The following PDE10A variants were observed in gnomAD, a reference collection of about 807,000 sequenced individuals.
PDE10A encodes the protein phosphodiesterase 10A, also known as cAMP and cAMP-inhibited cGMP 3',5'-cyclic phosphodiesterase 10A.
PDE10A carries 39 observed loss-of-function variants against 97.7 expected under a neutral mutation model. That is an observed-to-expected ratio of 0.40 (90% CI 0.31 to 0.52). PDE10A has a LOEUF of 0.52. Among genes scored for constraint, PDE10A ranks in the 20% least tolerant of loss-of-function variants. The probability of loss-of-function intolerance (pLI) is 0.56; values close to 1 mark genes in which losing one functional copy is unlikely to be tolerated. For missense variants in PDE10A, 731 were observed against 1,047.8 expected, an observed-to-expected ratio of 0.70 and a Z score of 4.17; for synonymous variants, 371 against 376.8, an observed-to-expected ratio of 0.98 and a Z score of 0.18.
chr6:165,343,513 A>G lies in PDE10A; in HGVS notation c.2784-11T>C. The G allele has an allele frequency of 6.4e-7, 1 of 1,552,040 alleles. No homozygotes were observed. The highest frequency in any genetic ancestry group is 8.9e-7 in the Non-Finnish European group (1 of 1,123,490). Reference sequence around the variant, plus strand: ...CCAATTACACGGTCTCTAGAACACAACAATATAAGACTGGTCAGCATAGCA... The same window carrying G: ...CCAATTACACGGTCTCTAGAACACAGCAATATAAGACTGGTCAGCATAGCA... On this transcript the variant is annotated splice_polypyrimidine_tract_variant and intron_variant, in intron 18 of 21. Coordinates refer to ENST00000539869, the MANE Select transcript of PDE10A (RefSeq NM_001385079.1).
chr6:165,963,520 T>G (rs1235476275), intron 1 of PDE10A, among the ~76,000 whole-genome samples: 2 of 152,216 alleles, frequency 1.3e-5, no homozygotes, highest in Non-Finnish European at 2.9e-5. Flanking sequence ...GGATCATAAT[T>G]TCCTCATCTA....
At chr6:165,636,116 A>G (rs1402158459) in intron 1 of PDE10A, among the ~76,000 whole-genome samples, 1 of 152,246 alleles carries the variant, frequency 6.6e-6, no homozygotes. Flanking sequence ...ATTTACATTT[A>G]CATGGTTCCC....
At chr6:165,566,614 G>A (rs1364022470) in intron 1 of PDE10A, among the ~76,000 whole-genome samples, 5 of 152,132 alleles carry the variant, frequency 3.3e-5, no homozygotes, top group Admixed American at 2.0e-4. Flanking sequence ...TGATACCAAG[G>A]AGAAGATTCT....
chr6:165,548,029 T>C (rs1036007410), intron 1 of PDE10A, among the ~76,000 whole-genome samples: 1 of 152,106 alleles, frequency 6.6e-6, no homozygotes, highest in Admixed American at 6.6e-5. Context: ...CACCAAAAAA[T>C]ATAATGGCCC....
chr6:165,841,956 G>T (rs998593868), intron 1 of PDE10A, among the ~76,000 whole-genome samples: 10 of 152,088 alleles, frequency 6.6e-5, no homozygotes, highest in Non-Finnish European at 1.3e-4. Context: ...TAATATTGCT[G>T]TTTCCCAACA....
At chr6:165,439,956 T>C (rs990571759) in intron 5 of PDE10A, among the ~76,000 whole-genome samples, 2 of 152,234 alleles carry the variant, frequency 1.3e-5, no homozygotes, top group Non-Finnish European at 2.9e-5. Context: ...TTCATCTTTC[T>C]TTCCATGCAC....
At chr6:165,893,241 GACTGTATAGTC>G (rs1449678366) in intron 1 of PDE10A, among the ~76,000 whole-genome samples, 20 of 152,198 alleles carry the variant, frequency 1.3e-4, no homozygotes, top group African/African-American at 4.6e-4. Context: ...CAATTTTAAT[GACTGTATAGTC>G]ACTCTTCAGA....
At chr6:165,795,311 AG>A (rs1279650292) in intron 1 of PDE10A, among the ~76,000 whole-genome samples, 5 of 152,174 alleles carry the variant, frequency 3.3e-5, no homozygotes, top group African/African-American at 1.2e-4. Context: ...GCTGTCTGCA[AG>A]GGTTTTCCTT....
intron 13 of PDE10A, among the ~76,000 whole-genome samples, chr6:165,408,523 T>G (rs1787404487): frequency 6.6e-6 from 1 of 152,152 alleles, no homozygotes; most frequent in South Asian, 2.1e-4. Flanking sequence ...CCTTTTCAAG[T>G]GGGTAAGGTT....
chr6:165,575,218 G>T (rs907287757), intron 1 of PDE10A, among the ~76,000 whole-genome samples: 1 of 152,228 alleles, frequency 6.6e-6, no homozygotes, highest in Non-Finnish European at 1.5e-5. Flanking sequence ...CCAATCATTC[G>T]AGTTTTGTGA....
At chr6:165,873,529 A>G (rs2323031) in intron 1 of PDE10A, among the ~76,000 whole-genome samples, 122,694 of 152,192 alleles carry the variant, frequency 0.81, 49,854 homozygotes, top group East Asian at 0.96. Context: ...CTTTCTCCGC[A>G]AGAGAGCAAC....
intron 1 of PDE10A, among the ~76,000 whole-genome samples, chr6:165,920,227 C>T (rs949109944): frequency 6.6e-6 from 1 of 152,080 alleles, no homozygotes; most frequent in African/African-American, 2.4e-5. Context: ...TTTACAGACC[C>T]CTAATCAAAA....
intron 10 of PDE10A, among the ~76,000 whole-genome samples, chr6:165,422,287 G>A (rs113510272): frequency 0.025 from 3,650 of 146,790 alleles, 173 homozygotes; most frequent in African/African-American, 0.081. Flanking sequence ...ACACACACAC[G>A]CATACACACA....
intron 1 of PDE10A, among the ~76,000 whole-genome samples, chr6:165,645,136 G>C (rs1262285220): frequency 1.3e-5 from 2 of 152,152 alleles, no homozygotes; most frequent in African/African-American, 4.8e-5. Context: ...GCGCACATCT[G>C]AGCCTTGCTG....
chr6:165,936,897 G>A (rs1783349813), intron 1 of PDE10A, among the ~76,000 whole-genome samples: 1 of 152,158 alleles, frequency 6.6e-6, no homozygotes, highest in East Asian at 1.9e-4. Context: ...ACTGAGAAAG[G>A]GCATTTGTGC....
At chr6:165,535,227 T>G (rs1018313249) in intron 2 of PDE10A, among the ~76,000 whole-genome samples, 1 of 150,718 alleles carries the variant, frequency 6.6e-6, no homozygotes, top group Non-Finnish European at 1.5e-5. Context: ...ATCTGCCTTT[T>G]AAAATATATA....
intron 1 of PDE10A, among the ~76,000 whole-genome samples, chr6:165,594,769 G>A (rs976364471): frequency 3.9e-5 from 6 of 152,138 alleles, no homozygotes; most frequent in Non-Finnish European, 8.8e-5. Flanking sequence ...GAGACATCTG[G>A]CAGACTCCAT....
intron 1 of PDE10A, among the ~76,000 whole-genome samples, chr6:165,847,328 A>T (rs907642768): frequency 6.6e-6 from 1 of 152,224 alleles, no homozygotes; most frequent in Non-Finnish European, 1.5e-5. Flanking sequence ...GCTGTCATTA[A>T]GCTCACGCAA....
chr6:165,575,759 G>T (rs1474865500), intron 1 of PDE10A, among the ~76,000 whole-genome samples: 1 of 152,160 alleles, frequency 6.6e-6, no homozygotes, highest in South Asian at 2.1e-4. Flanking sequence ...ATCACCCAAT[G>T]ATTTCATTCC....
Sources: gnomAD v4.1 joint callset for allele counts (sites outside exome capture counted in the v4.1 genomes callset) on GRCh38, gnomAD v4.1.1 for gene constraint, MANE v1.5 for transcripts, NCBI Gene and HGNC (gene_info 2026-07-23, HGNC 2026-07-21) for gene names.